Variants in ZNF608 observed in about 807,000 individuals in gnomAD.
ZNF608 encodes renal carcinoma antigen NY-REN-36.
ZNF608 carries 12 observed loss-of-function variants against 109.0 expected under a neutral mutation model. The ratio of observed to expected loss-of-function variants is 0.11; its 90% CI spans 0.07 to 0.18. ZNF608 has a LOEUF of 0.18. ZNF608 is among the 10% of genes least tolerant of loss of function. The pLI, the probability that ZNF608 is intolerant of heterozygous loss-of-function variation, is 1.00. For synonymous variants in ZNF608, 732 were observed against 717.4 expected (o/e 1.02, Z -0.33); for missense variants, 1,707 against 1,879.3 (o/e 0.91, Z 1.70).
At chr5:124,741,265 ATGTTT>A (rs1355671311) in intron 2 of ZNF608, among the ~76,000 whole-genome samples, 6 of 152,266 alleles carry the variant, frequency 3.9e-5, no homozygotes, top group African/African-American at 1.4e-4. Flanking sequence ...CCAATTTATC[ATGTTT>A]TACATGACTT....
In ZNF608 at chr5:124,744,147, C is replaced by A; in HGVS notation, c.843G>T (p.Leu281Phe). Residue 281 changes from leucine to phenylalanine, a missense_variant, in exon 2 of 10, where the codon TTG becomes TTT. Physicochemically the swap from Leu to Phe is conservative, Grantham distance 22. Transcript: ENST00000513986. The surrounding 1 kb of genome is among the most constrained non-coding windows in gnomAD (Gnocchi z 4.5). ...CCTCCTCCTCCTCTTCCTTCTTTAC[C>A]AACATAGAGTTTCCCATGAGCCCTG... ...PDSGLMGNSM[L>F]VKKEEEEEES... The A allele has an allele frequency of 6.2e-7, 1 of 1,611,998 alleles. No homozygotes were observed. Among genetic ancestry groups the A allele is most frequent in the Non-Finnish European group, 8.5e-7 (1 of 1,179,244 alleles).
intron 3 of ZNF608, among the ~76,000 whole-genome samples, chr5:124,683,531 C>T (rs7716806): frequency 0.28 from 42,743 of 151,950 alleles, 6,180 homozygotes; most frequent in Non-Finnish European, 0.3. Flanking sequence ...GAAATATCCA[C>T]ATAAACATGT....
At chr5:124,641,562 A>G (rs1277225648) in intron 7 of ZNF608, among the ~76,000 whole-genome samples, 157 bp from the exon 8 acceptor site, 3 of 152,228 alleles carry the variant, frequency 2.0e-5, no homozygotes, top group Non-Finnish European at 4.4e-5. Flanking sequence ...TTCAAAAAAC[A>G]TGCATTAGTT....
intron 2 of ZNF608, among the ~76,000 whole-genome samples, chr5:124,723,133 C>T (rs955721330): frequency 4.6e-5 from 7 of 151,680 alleles, no homozygotes; most frequent in African/African-American, 1.7e-4. Flanking sequence ...CCAGTTCAAG[C>T]AATTCTCGGT....
Position 124,647,463 on chromosome 5 carries a change from C to T in ZNF608, c.2921G>A (p.Ser974Asn). ...AGTTGAAGAATGCCCTTTTACAACA[C>T]TGTCCTTACTAGAAATAATATCTGA... The part of the protein sequence containing the change: ...SPSDIISSKD[S>N]VVKGHSSTTA... Residue 974 changes from serine to asparagine, a missense_variant, in exon 5 of 10, where the codon AGT becomes AAT. Ser to Asn is a conservative substitution (Grantham distance 46). Transcript: ENST00000513986. The T allele has an allele frequency of 1.2e-6, 2 of 1,614,244 alleles. No individual in the cohort carries two copies. The highest frequency in any genetic ancestry group is 1.7e-6 in the Non-Finnish European group (2 of 1,180,040).
At chr5:124,712,850 A>T (rs576105483) in intron 2 of ZNF608, among the ~76,000 whole-genome samples, 80 of 152,308 alleles carry the variant, frequency 5.3e-4, no homozygotes, top group Admixed American at 1.2e-3. Flanking sequence ...AATTTAGGTG[A>T]AAAAATGACT....
intron 2 of ZNF608, among the ~76,000 whole-genome samples, chr5:124,742,103 C>A (rs1305627399): frequency 6.6e-6 from 1 of 151,718 alleles, no homozygotes; most frequent in Non-Finnish European, 1.5e-5. Context: ...CACATTTATA[C>A]TGCTCTAACT....
chr5:124,741,364 C>G (rs56358573), intron 2 of ZNF608, among the ~76,000 whole-genome samples: 1 of 129,008 alleles, frequency 7.8e-6, no homozygotes, highest in South Asian at 2.5e-4. Flanking sequence ...GACAGCAAGT[C>G]TTATGAATCT....
intron 3 of ZNF608, 60 bp from the exon 4 acceptor site, chr5:124,649,757 T>C: frequency 1.8e-6 from 2 of 1,089,200 alleles, no homozygotes; most frequent in Admixed American, 5.2e-5. Context: ...TTATTTCCAG[T>C]TCACTTATTA....
chr5:124,707,346 C>T (rs796366797), intron 2 of ZNF608, among the ~76,000 whole-genome samples: 24 of 152,286 alleles, frequency 1.6e-4, no homozygotes, highest in African/African-American at 5.1e-4. Context: ...CTCCAGAAGG[C>T]AGAGAGATTC....
chr5:124,646,944 T>C lies in ZNF608; in HGVS notation c.3440A>G (p.Asn1147Ser). Residue 1147 changes from asparagine to serine, a missense_variant, in exon 5 of 10, where the codon AAT (asparagine) becomes AGT (serine). By Grantham distance (46) the Asn-to-Ser change is conservative. Coordinates refer to ENST00000513986, the MANE Select transcript of ZNF608 (RefSeq NM_020747.3). ...TTTTGAGATTGTGGCCGATGGCATA[T>C]TTTTCTGTTTAGTTTCCTCCTTGCC... ...ELGKEETKQK[N>S]MPSATISKAP... 1.2e-6 allele frequency: 2 copies of C among 1,613,988 alleles called. No homozygotes were observed. Among genetic ancestry groups the C allele is most frequent in the Non-Finnish European group, 1.7e-6 (2 of 1,179,964 alleles).
chr5:124,660,979 A>T (rs975510598), intron 3 of ZNF608, among the ~76,000 whole-genome samples: 2 of 152,250 alleles, frequency 1.3e-5, no homozygotes, highest in African/African-American at 4.8e-5. Flanking sequence ...GACCAGGCTT[A>T]CTATAAATGT....
intron 2 of ZNF608, among the ~76,000 whole-genome samples, chr5:124,731,829 A>T (rs1348212823): frequency 6.6e-6 from 1 of 152,172 alleles, no homozygotes; most frequent in Non-Finnish European, 1.5e-5. Context: ...CCATCTCAAA[A>T]AACAAAAAAA....
Position 124,638,927 on chromosome 5 carries a change from T to C in ZNF608, c.4532+206A>G. On this transcript the variant is annotated intron_variant, in intron 9 of 9. Coordinates refer to ENST00000513986, the MANE Select transcript of ZNF608 (RefSeq NM_020747.3). ...CTGTCTAAAAAACTAATCAGTTAATTACTAATCTATGTAACCCTTACAGAA... is the reference window on the plus strand; with the variant it reads ...CTGTCTAAAAAACTAATCAGTTAATCACTAATCTATGTAACCCTTACAGAA... 3.8e-6 allele frequency: 3 copies of C among 784,960 alleles called. No individual in the cohort carries two copies. The South Asian group carries it at 6.2e-5, about 16-fold the overall frequency. The allele number at this position is 784,960 out of a possible 1,614,324, so 48.6% of individuals were successfully genotyped here. A position where few individuals can be genotyped will look rare whatever the true frequency, so the allele number is the denominator to read the frequency against.
chr5:124,713,539 T>C (rs985952929), intron 2 of ZNF608, among the ~76,000 whole-genome samples: 4 of 152,218 alleles, frequency 2.6e-5, no homozygotes, highest in Non-Finnish European at 4.4e-5. Context: ...TTACCAAAAA[T>C]TGTGCTCAAT....
At chr5:124,729,344 G>T (rs148975946) in intron 2 of ZNF608, among the ~76,000 whole-genome samples, 3 of 152,176 alleles carry the variant, frequency 2.0e-5, no homozygotes, top group Admixed American at 2.0e-4. Flanking sequence ...AGCCAATGGA[G>T]GTCCTGAGTG....
rs200206742 is a variant in ZNF608, at chr5:124,646,889, G to T, written c.3495C>A (p.Asn1165Lys). ...KAPSTPEPNK[N>K]HSKLGPSVPN... is the part of the protein sequence containing the mutation. ...GCACTGATGGCCCTAGTTTAGAATG[G>T]TTTTTGTTAGGCTCCGGAGTAGAGG... Residue 1165 changes from asparagine (N) to lysine (K), a missense_variant, in exon 5 of 10, where the codon AAC becomes AAA. Around this residue, in one of 7 missense-constraint regions of ZNF608, gnomAD observed 1,073 missense variants for 1,133.5 expected, o/e 0.95. Coordinates refer to ENST00000513986, the MANE Select transcript of ZNF608 (RefSeq NM_020747.3). 1.2e-6 allele frequency: 2 copies of T among 1,614,202 alleles called. No homozygotes were observed. The highest frequency in any genetic ancestry group is 2.2e-5 in the East Asian group (1 of 44,892).
At chr5:124,642,692 CTTTTTTTTTTTTTTT>C (rs755561532) in intron 7 of ZNF608, among the ~76,000 whole-genome samples, 1 of 95,292 alleles carries the variant, frequency 1.0e-5, no homozygotes, top group East Asian at 3.0e-4. Flanking sequence ...TTTCTATTGT[CTTTTTTTTTTTTTTT>C]TTTTTTTTTG....
intron 2 of ZNF608, among the ~76,000 whole-genome samples, chr5:124,715,785 T>G (rs2149872546): frequency 6.6e-6 from 1 of 152,330 alleles, no homozygotes; most frequent in African/African-American, 2.4e-5. Context: ...TGCATACATA[T>G]CTTACGTAAT....
Sources: allele counts gnomAD v4.1 joint callset (sites outside exome capture counted in the v4.1 genomes callset), GRCh38; gene constraint gnomAD v4.1.1; regional missense constraint gnomAD v4.1.1; non-coding constraint Gnocchi (gnomAD v3.1); transcripts MANE v1.5; gene names NCBI Gene and HGNC (gene_info 2026-07-23, HGNC 2026-07-21).